LYAR: variants seen among roughly 807,000 people sequenced by gnomAD.
LYAR encodes Ly1 antibody reactive, also known as cell growth-regulating nucleolar protein.
Under a neutral mutation model 45.2 loss-of-function variants are expected in LYAR, and 37 were observed. That is an observed-to-expected ratio of 0.82 (90% CI 0.63 to 1.08). The LOEUF (loss-of-function observed/expected upper bound fraction) is 1.08. Ranked by LOEUF, LYAR falls within the 50% of genes least tolerant of loss-of-function variation. The pLI is 0.00. For missense variants in LYAR, 493 were observed against 451.0 expected (o/e 1.09, Z -0.84); for synonymous variants, 176 against 155.1 (o/e 1.14, Z -1.00).
rs1719312292 is a variant in LYAR at position 4,279,491 on chromosome 4, T to A, written c.385A>T (p.Ile129Phe). The A allele has an allele frequency of 6.2e-7, 1 of 1,613,334 alleles. No individual in the cohort carries two copies. Among genetic ancestry groups the A allele is most frequent in the African/African-American group, 1.3e-5 (1 of 75,040 alleles). Residue 129 changes from isoleucine (I) to phenylalanine (F), a missense_variant, in exon 6 of 10, where the codon ATT becomes TTT. By Grantham distance (21) the Ile-to-Phe change is conservative. Coordinates refer to ENST00000343470, the MANE Select transcript of LYAR (RefSeq NM_017816.3). ...AAGATATTCCACACCTGGTCCAGAA[T>A]GGATTCATTATGAACTTTTAAACTG... ...KNSLKVHNES[I>F]LDQVWNIFSE...
rs747915673 is a variant in LYAR at position 4,268,032 on chromosome 4, A to C, written c.1006-9T>G. The C allele has an allele frequency of 5.7e-6, 9 of 1,566,944 alleles. No individual in the cohort carries two copies. The Admixed American group carries it at 7.5e-5, about 13-fold the overall frequency. ...TAGTACTGAGCTAAAACCTTCACAA[A>C]GAAAAACATCAAATGAGTGTATTTG... On this transcript the variant is annotated splice_polypyrimidine_tract_variant and intron_variant, in intron 9 of 9. Coordinates refer to ENST00000343470, the MANE Select transcript of LYAR (RefSeq NM_017816.3).
chr4:4,281,675 T>G lies in LYAR; in HGVS notation c.237+108A>C. 3.7e-6 allele frequency: 3 copies of G among 811,768 alleles called. No individual in the cohort carries two copies. In the South Asian group the frequency reaches 4.6e-5, roughly 12 times the overall value. The allele number at this position is 811,768 out of a possible 1,614,324, so 50.3% of individuals were successfully genotyped here. ...ACCTGTCTATCCTAGGACATGAGGT[T>G]TCCAGAGCTTGTCTGCAGGGATGAC... On this transcript the variant is annotated intron_variant, in intron 4 of 9. Transcript: ENST00000343470.
At chr4:4,274,018 CCA>C (rs771183566) in intron 7 of LYAR, among the ~76,000 whole-genome samples, 31 of 152,268 alleles carry the variant, frequency 2.0e-4, no homozygotes, top group South Asian at 8.3e-4. Context: ...GGGCGGATCA[CCA>C]GAGGTCAGGA....
chr4:4,282,744 C>G (rs1296526884), intron 3 of LYAR, among the ~76,000 whole-genome samples: 1 of 152,174 alleles, frequency 6.6e-6, no homozygotes, highest in Non-Finnish European at 1.5e-5. Flanking sequence ...TGTCCTGTCC[C>G]TCCCCGCTAA....
intron 3 of LYAR, among the ~76,000 whole-genome samples, chr4:4,283,330 T>C (rs1447188955): frequency 6.6e-6 from 1 of 152,148 alleles, no homozygotes; most frequent in Non-Finnish European, 1.5e-5. Context: ...TTTGTATTTT[T>C]AGTAGAGACA....
intron 6 of LYAR, 93 bp downstream of exon 6, chr4:4,279,354 A>C (rs1359743551): frequency 1.2e-6 from 1 of 851,160 alleles, no homozygotes. Context: ...ATAAAAAAGA[A>C]GGCTGCCTTG....
chr4:4,279,248 G>A (rs1719303710), intron 6 of LYAR, among the ~76,000 whole-genome samples, 199 bp downstream of exon 6: 2 of 152,082 alleles, frequency 1.3e-5, no homozygotes, highest in South Asian at 4.1e-4. Context: ...CACGAGAATT[G>A]CTTGAACCCA....
At position 4,268,603 on chromosome 4, in the gene LYAR, C is replaced by T. The variant is rs762170783; in HGVS notation, c.932G>A (p.Trp311Ter). The T allele has an allele frequency of 1.3e-5, 21 of 1,596,788 alleles. No individual in the cohort carries two copies. The highest frequency in any genetic ancestry group is 5.0e-5 in the Admixed American group (3 of 59,582). ...DEAPAKGKFNWKGTIKAILKQ... is the reference protein window; with the variant it reads ...DEAPAKGKFN ...CAGAATTGCTTTAATAGTTCCCTTC[C>T]AGTTGAATTTACCTACAATATAAAT... Residue 311 changes from tryptophan to a stop codon, truncating the protein, a stop_gained, in exon 9 of 10, where the codon TGG becomes TAG. Coordinates refer to ENST00000343470, the MANE Select transcript of LYAR (RefSeq NM_017816.3). LOFTEE classifies it high-confidence loss of function.
intron 2 of LYAR, among the ~76,000 whole-genome samples, chr4:4,285,089 A>C (rs1719554234): frequency 6.6e-6 from 1 of 152,234 alleles, no homozygotes; most frequent in Non-Finnish European, 1.5e-5. Context: ...ACAAAGGTCC[A>C]GCTGGTCTCT....
chr4:4,272,422 C>T (rs75933455), intron 8 of LYAR, among the ~76,000 whole-genome samples: 4,294 of 152,228 alleles, frequency 0.028, 212 homozygotes, highest in African/African-American at 0.097. Context: ...TACTGAACCC[C>T]TATATATACT....
At position 4,283,635 on chromosome 4, in the gene LYAR, G is replaced by A. The variant is rs528236112; in HGVS notation, c.108C>T (p.Cys36=). ...GTGAAGCTTACCAGAAATCTTTACC[G>A]CAGTCAATGCAAGAAAGGCATTCAC... ...RNCECLSCID[C]GKDFWGDDYK... The change falls in exon 3 of 10, where the codon TGC becomes TGT. Residue 36 remains cysteine, a synonymous_variant. Coordinates refer to ENST00000343470, the MANE Select transcript of LYAR (RefSeq NM_017816.3). 7.8e-5 allele frequency: 126 copies of A among 1,611,532 alleles called. No homozygotes were observed. The highest frequency in any genetic ancestry group is 2.5e-4 in the African/African-American group (19 of 75,022).
At chr4:4,275,340 G>C (rs1292486657) in intron 6 of LYAR, among the ~76,000 whole-genome samples, 1 of 152,008 alleles carries the variant, frequency 6.6e-6, no homozygotes, top group East Asian at 1.9e-4. Flanking sequence ...TGTGTGAAGA[G>C]TTTTGTAAAT....
At chr4:4,288,825 A>G (rs1719732415) in intron 1 of LYAR, among the ~76,000 whole-genome samples, 1 of 152,122 alleles carries the variant, frequency 6.6e-6, no homozygotes, top group African/African-American at 2.4e-5. Context: ...ACATGCAGAC[A>G]CTGACCTACA....
Position 4,268,004 on chromosome 4 carries a change from G to A in LYAR, c.1025C>T (p.Thr342Ile), listed in dbSNP as rs1395424185. 1.2e-6 allele frequency: 2 copies of A among 1,604,322 alleles called. No homozygotes were observed. The highest frequency in any genetic ancestry group is 8.5e-7 in the Non-Finnish European group (1 of 1,177,018). Residue 342 changes from threonine to isoleucine, a missense_variant, in exon 10 of 10, where the codon ACA becomes ATA. Physicochemically the swap from Thr to Ile is moderately conservative, Grantham distance 89. Coordinates refer to ENST00000343470, the MANE Select transcript of LYAR (RefSeq NM_017816.3). The stretch of plus-strand genomic sequence containing the variant: ...GGATCTGTGATGCTCATCTGTCACT[G>A]TGTAGTACTGAGCTAAAACCTTCAC... Reference protein sequence around the residue: ...LRKKVLAQYYTVTDEHHRSEE... With the variant: ...LRKKVLAQYYIVTDEHHRSEE...
chr4:4,274,405 C>T lies in LYAR; in HGVS notation c.794G>A (p.Arg265His), dbSNP rs7376390. 6.9e-5 allele frequency: 111 copies of T among 1,613,914 alleles called. No individual in the cohort carries two copies. The African/African-American group carries it at 1.1e-3, about 17-fold the overall frequency. ...RKDSASEEEA[R>H]VGAGKRKRRH... ...CCGCTTCCTCTTCCCTGCGCCCACGCGTGCCTCTTCCTCACTGGCGCTGTC... is the reference window on the plus strand; with the variant it reads ...CCGCTTCCTCTTCCCTGCGCCCACGTGTGCCTCTTCCTCACTGGCGCTGTC... The change falls in exon 7 of 10, where the codon CGC becomes CAC. Residue 265 changes from arginine (R) to histidine (H), a missense_variant. Transcript: ENST00000343470.
intron 1 of LYAR, 34 bp downstream of exon 1, chr4:4,290,000 CCT>C (rs1719795840): frequency 6.6e-6 from 1 of 152,494 alleles, no homozygotes; most frequent in East Asian, 1.9e-4. Context: ...TGAGCCCCAG[CCT>C]CCCAGGTCGG....
intron 4 of LYAR, among the ~76,000 whole-genome samples, chr4:4,280,624 G>A (rs1341216823): frequency 6.6e-6 from 1 of 152,188 alleles, no homozygotes; most frequent in Non-Finnish European, 1.5e-5. Context: ...ACAGACCCAT[G>A]CACCTCAACC....
In LYAR at chr4:4,280,540, A is replaced by G. The variant is rs192279162; in HGVS notation, c.238-791T>C. 3.4e-3 allele frequency among the ~76,000 whole-genome samples: 515 copies of G among 152,348 alleles called. 4 individuals are homozygous for G. Among genetic ancestry groups the G allele is most frequent in the African/African-American group, 0.012 (493 of 41,576 alleles). On this transcript the variant is annotated intron_variant, in intron 4 of 9. Transcript: ENST00000343470. Reference sequence around the variant, plus strand: ...ATTTCAAAACTTATTACAAAGCTGTAATAAGTTTCTGTAGTTTGCTGACCC... The same window carrying G: ...ATTTCAAAACTTATTACAAAGCTGTGATAAGTTTCTGTAGTTTGCTGACCC...
At chr4:4,273,501 G>T in intron 8 of LYAR, 82 bp downstream of exon 8, 1 of 967,114 alleles carries the variant, frequency 1.0e-6, no homozygotes, top group Non-Finnish European at 1.6e-6. Context: ...TGACCCTCCT[G>T]CCCCTGCCTC....
Sources: allele counts gnomAD v4.1 joint callset (sites outside exome capture counted in the v4.1 genomes callset), GRCh38; gene constraint gnomAD v4.1.1; transcripts MANE v1.5; gene names NCBI Gene and HGNC (gene_info 2026-07-23, HGNC 2026-07-21).